The following COG5 variants were observed in gnomAD, a reference collection of about 807,000 sequenced individuals.
COG5 encodes conserved oligomeric Golgi complex subunit 5.
Under a neutral mutation model 110.4 loss-of-function variants are expected in COG5, and 86 were observed. That is an observed-to-expected ratio of 0.78 (90% confidence interval 0.65 to 0.93). The LOEUF is 0.93. COG5 is among the 40% of genes least tolerant of loss of function. The pLI is 0.00. For synonymous variants in COG5, 360 were observed against 334.6 expected (o/e 1.08, Z -0.83); for missense variants, 1,077 against 987.0 (o/e 1.09, Z -1.22).
rs182376619 is a variant in COG5 at position 107,494,920 on chromosome 7, C to T, written c.538+32317G>A. On this transcript the variant is annotated intron_variant, in intron 6 of 21. Coordinates refer to ENST00000297135, the MANE Select transcript of COG5 (RefSeq NM_006348.5). The stretch of plus-strand genomic sequence containing the variant: ...TAGTTATTTCACATAAAGCTGGGGA[C>T]GAGGGGTCAGTGGGTGGAATCCTGA... Among the ~76,000 whole-genome samples, 10 of 151,954 alleles carry T rather than the reference C, an allele frequency of 6.6e-5. No homozygotes were observed. In the East Asian group the frequency reaches 1.4e-3, roughly 21 times the overall value.
chr7:107,484,130 G>A (rs117917118), intron 6 of COG5, among the ~76,000 whole-genome samples: 3,402 of 152,018 alleles, frequency 0.022, 58 homozygotes, highest in Non-Finnish European at 0.035. Flanking sequence ...TGCCCAGGCT[G>A]GCCTTGTACT....
At position 107,464,165 on chromosome 7, in the gene COG5, T is replaced by A. The variant is rs138224749; in HGVS notation, c.539-51533A>T. Among the ~76,000 whole-genome samples the A allele has an allele frequency of 8.6e-3, 1,312 of 152,240 alleles. 18 individuals are homozygous for A. The highest frequency in any genetic ancestry group is 0.03 in the African/African-American group (1,252 of 41,536). On this transcript the variant is annotated intron_variant, in intron 6 of 21. Coordinates refer to ENST00000297135, the MANE Select transcript of COG5 (RefSeq NM_006348.5). ...ACCAGTCAGCAAGACTGCATTTACATTCAATTTCAAGTGGCTGCCCACTCA... is the reference window on the plus strand; with the variant it reads ...ACCAGTCAGCAAGACTGCATTTACAATCAATTTCAAGTGGCTGCCCACTCA...
rs1020187031 is a variant in COG5, at chr7:107,386,298, G to T, written c.670-13538C>A. Among the ~76,000 whole-genome samples the T allele has an allele frequency of 3.9e-5, 6 of 151,994 alleles. No homozygotes were observed. In the East Asian group the frequency reaches 1.2e-3, roughly 29 times the overall value. On this transcript the variant is annotated intron_variant, in intron 7 of 21. Transcript: ENST00000297135. ...TGGTTGTCAAGGAGTCGGGGCCGGG[G>T]TTGCAACTGTTTATGGCACTCTCCT...
chr7:107,524,133 C>T (rs766509262), intron 6 of COG5, among the ~76,000 whole-genome samples: 7 of 152,090 alleles, frequency 4.6e-5, no homozygotes, highest in South Asian at 4.1e-4. Context: ...ACAACACTGA[C>T]GAATTTCAAA....
intron 6 of COG5, among the ~76,000 whole-genome samples, chr7:107,491,970 A>C (rs541374561): frequency 2.0e-4 from 30 of 152,232 alleles, no homozygotes; most frequent in Non-Finnish European, 4.0e-4. Flanking sequence ...CAGACACATA[A>C]ACAGATGGAC....
chr7:107,399,868 C>G (rs1417568446), intron 7 of COG5, among the ~76,000 whole-genome samples: 1 of 152,134 alleles, frequency 6.6e-6, no homozygotes, highest in Non-Finnish European at 1.5e-5. Flanking sequence ...CGAGAACCTC[C>G]TACACACCCA....
intron 6 of COG5, among the ~76,000 whole-genome samples, chr7:107,446,408 T>A (rs773133061): frequency 4.6e-5 from 7 of 152,138 alleles, no homozygotes; most frequent in Non-Finnish European, 8.8e-5. Context: ...CAGTTTGTCA[T>A]CTTAGGCACA....
intron 5 of COG5, among the ~76,000 whole-genome samples, chr7:107,528,707 T>A (rs1800956583): frequency 6.6e-6 from 1 of 152,168 alleles, no homozygotes; most frequent in Non-Finnish European, 1.5e-5. Flanking sequence ...GCCCCAAGGC[T>A]AACTGAGAAG....
intron 17 of COG5, among the ~76,000 whole-genome samples, chr7:107,248,153 T>C (rs1802189946): frequency 6.6e-6 from 1 of 152,078 alleles, no homozygotes; most frequent in Non-Finnish European, 1.5e-5. Flanking sequence ...TGTATGCACA[T>C]GTAACGTGAT....
At chr7:107,528,333 C>T (rs1173050153) in intron 5 of COG5, among the ~76,000 whole-genome samples, 1 of 152,106 alleles carries the variant, frequency 6.6e-6, no homozygotes, top group Non-Finnish European at 1.5e-5. Flanking sequence ...AGGTGAACCT[C>T]CCACATCAGA....
intron 19 of COG5, among the ~76,000 whole-genome samples, chr7:107,220,118 T>C (rs1799808874): frequency 6.6e-6 from 1 of 152,206 alleles, no homozygotes; most frequent in Non-Finnish European, 1.5e-5. Context: ...ATGCAGCCTC[T>C]TTTAGAATAT....
chr7:107,389,738 C>T (rs79886357), intron 7 of COG5, among the ~76,000 whole-genome samples: 3,572 of 152,226 alleles, frequency 0.023, 159 homozygotes, highest in African/African-American at 0.077. Context: ...CGTCCCATTC[C>T]CCTATGATTT....
Position 107,203,075 on chromosome 7 carries a change from G to A in COG5, c.*441C>T, listed in dbSNP as rs1437907510. The A allele has an allele frequency of 6.0e-6, 1 of 167,656 alleles. No individual in the cohort carries two copies. The highest frequency in any genetic ancestry group is 1.3e-5 in the Non-Finnish European group (1 of 76,892). The allele number at this position is 167,656 out of a possible 1,614,324, so 10.4% of individuals were successfully genotyped here. The stretch of plus-strand genomic sequence containing the variant: ...ATCAGGATTTTAAAAAAATCCCCTG[G>A]TGATTGGTATGAATGTGCAGCCAAA... On this transcript the variant is annotated 3_prime_UTR_variant, in exon 22 of 22. Coordinates refer to ENST00000297135, the MANE Select transcript of COG5 (RefSeq NM_006348.5).
At chr7:107,495,560 T>A (rs1418602434) in intron 6 of COG5, among the ~76,000 whole-genome samples, 4 of 151,962 alleles carry the variant, frequency 2.6e-5, no homozygotes, top group Non-Finnish European at 4.4e-5. Context: ...ATAAATGAGA[T>A]AACATGATCC....
At chr7:107,264,236 C>T (rs990300929) in intron 14 of COG5, among the ~76,000 whole-genome samples, 2 of 151,888 alleles carry the variant, frequency 1.3e-5, no homozygotes, top group Non-Finnish European at 2.9e-5. Flanking sequence ...AAGACTTGAC[C>T]CAGGGCATAA....
intron 5 of COG5, among the ~76,000 whole-genome samples, chr7:107,533,925 G>A (rs1801391634): frequency 6.6e-6 from 1 of 151,596 alleles, no homozygotes; most frequent in Non-Finnish European, 1.5e-5. Context: ...AGAAAGGTCA[G>A]GTTACCCACA....
At chr7:107,508,199 T>C (rs867304672) in intron 6 of COG5, among the ~76,000 whole-genome samples, 5 of 152,134 alleles carry the variant, frequency 3.3e-5, no homozygotes. Context: ...ACTTTTCCAA[T>C]GGGCTTAAAA....
intron 12 of COG5, among the ~76,000 whole-genome samples, chr7:107,288,907 GATATATATATATATATATATAT>G (rs60313728): frequency 0.18 from 17,137 of 94,002 alleles, 1,654 homozygotes; most frequent in East Asian, 0.22. Flanking sequence ...TTCTAACAGA[GATATATATATATATATATATAT>G]ATATATATAT....
chr7:107,467,239 A>G (rs1243214043), intron 6 of COG5, among the ~76,000 whole-genome samples: 1 of 152,224 alleles, frequency 6.6e-6, no homozygotes, highest in Non-Finnish European at 1.5e-5. Context: ...TTAGGAAGTC[A>G]AACTGCTCTC....
Sources: allele counts gnomAD v4.1 joint callset (sites outside exome capture counted in the v4.1 genomes callset), GRCh38; gene constraint gnomAD v4.1.1; transcripts MANE v1.5; gene names NCBI Gene and HGNC (gene_info 2026-07-23, HGNC 2026-07-21).